PARG: variants seen among roughly 807,000 people sequenced by gnomAD.
PARG encodes the protein poly(ADP-ribose) glycohydrolase, also known as mitochondrial poly(ADP-ribose) glycohydrolase.
Under a neutral mutation model 113.0 loss-of-function variants are expected in PARG, and 35 were observed. That is an observed-to-expected ratio of 0.31 (90% CI 0.24 to 0.41). The LOEUF is 0.41. Among genes scored for constraint, PARG ranks in the 10% least tolerant of loss-of-function variants. PARG has a pLI of 1.00. For synonymous variants in PARG, 330 were observed against 409.9 expected (o/e 0.81, Z 2.36); for missense variants, 797 against 1,169.4 (o/e 0.68, Z 4.64).
intron 6 of PARG, among the ~76,000 whole-genome samples, chr10:49,920,235 G>C (rs1554848766): frequency 6.6e-6 from 1 of 151,652 alleles, no homozygotes; most frequent in Non-Finnish European, 1.5e-5. Context: ...GAGCCCAGGA[G>C]TTGGAGACCA....
intron 7 of PARG, chr10:49,909,869 C>T: frequency 6.0e-6 from 1 of 167,216 alleles, no homozygotes; most frequent in Non-Finnish European, 1.3e-5. Flanking sequence ...ATGGTTCATG[C>T]CAAATTCTGA....
In PARG at chr10:49,833,882, A is replaced by G. The variant is rs185581844; in HGVS notation, c.2542-974T>C. Among the ~76,000 whole-genome samples, 181 of 152,338 alleles carry G rather than the reference A, an allele frequency of 1.2e-3. 1 individual carries two copies. Among genetic ancestry groups the G allele is most frequent in the African/African-American group, 4.1e-3 (170 of 41,586 alleles). On this transcript the variant is annotated intron_variant, in intron 15 of 17. Transcript: ENST00000616448. ...ATGATCTTGACAAATGTTCCCAGAG[A>G]AAAACCAAGGATAAAGAAAGATGCT...
chr10:49,885,952 A>G (rs2132655810), intron 7 of PARG, among the ~76,000 whole-genome samples: 1 of 152,326 alleles, frequency 6.6e-6, no homozygotes, highest in African/African-American at 2.4e-5. Flanking sequence ...ACACCTTTTA[A>G]TCTAATGTCT....
chr10:49,856,469 C>T (rs1486915048), intron 13 of PARG, among the ~76,000 whole-genome samples: 29 of 152,306 alleles, frequency 1.9e-4, no homozygotes, highest in Non-Finnish European at 3.4e-4. Context: ...CATGAACTAT[C>T]GCGCCTGGCC....
chr10:49,830,310 C>T lies in PARG; in HGVS notation c.2647+2493G>A, dbSNP rs555931632. On this transcript the variant is annotated intron_variant, in intron 16 of 17. Coordinates refer to ENST00000616448, the MANE Select transcript of PARG (RefSeq NM_003631.5). ...AGAAAGACAGGAAAAAAGTATCTGT[C>T]GTAAGATCAATAAGCCCAGAGTGAA... is the stretch of plus-strand genomic sequence containing the variant. Among the ~76,000 whole-genome samples, 31 of 152,214 alleles carry T rather than the reference C, an allele frequency of 2.0e-4. No individual in the cohort carries two copies. The South Asian group carries it at 4.8e-3, about 24-fold the overall frequency.
At chr10:49,892,747 T>C (rs1847870284) in intron 7 of PARG, among the ~76,000 whole-genome samples, 1 of 152,134 alleles carries the variant, frequency 6.6e-6, no homozygotes, top group Non-Finnish European at 1.5e-5. Flanking sequence ...TTGAGGTAAG[T>C]TGCAAGCATT....
rs1160721914 is a variant in PARG, at chr10:49,941,721, T to C, written c.5A>G (p.Asn2Ser). ...GCAGGGTTCACAGCCGGGGCCCGCA[T>C]TCATGCTGGGACCAGCAGCGCACTG... is the stretch of plus-strand genomic sequence containing the variant. MNAGPGCEPCTK... is the reference protein window; with the variant it reads MSAGPGCEPCTK... The change falls in exon 1 of 18, where the codon AAT (asparagine) becomes AGT (serine). Residue 2 changes from asparagine to serine, a missense_variant. Physicochemically the swap from Asn to Ser is conservative, Grantham distance 46. Around this residue, in one of 5 missense-constraint regions of PARG, gnomAD observed 27 missense variants for 54.3 expected, o/e 0.50. Transcript: ENST00000616448. 3 of 1,573,674 alleles carry C rather than the reference T, an allele frequency of 1.9e-6. No individual in the cohort carries two copies. Among genetic ancestry groups the C allele is most frequent in the African/African-American group, 2.7e-5 (2 of 73,824 alleles).
At chr10:49,857,203 T>C in intron 13 of PARG, 103 bp downstream of exon 13, 2 of 588,628 alleles carry the variant, frequency 3.4e-6, no homozygotes, top group South Asian at 4.4e-5. Flanking sequence ...TTGGGACTGA[T>C]GCCCATGGAA....
intron 15 of PARG, among the ~76,000 whole-genome samples, chr10:49,835,979 G>A (rs1375259438): frequency 1.3e-5 from 2 of 152,028 alleles, no homozygotes; most frequent in African/African-American, 4.8e-5. Context: ...TAACACACTC[G>A]ACTGGTTTGT....
chr10:49,933,129 T>C lies in PARG; in HGVS notation c.1271+48A>G, dbSNP rs1554910234. On this transcript the variant is annotated intron_variant, in intron 3 of 17. Coordinates refer to ENST00000616448, the MANE Select transcript of PARG (RefSeq NM_003631.5). Reference sequence around the variant, plus strand: ...GCTTCGTTAAACTCCCTTACAAAACTATAAAGCATATTATGCTATTGGAGA... The same window carrying C: ...GCTTCGTTAAACTCCCTTACAAAACCATAAAGCATATTATGCTATTGGAGA... 1.6e-3 allele frequency: 2,211 copies of C among 1,363,048 alleles called. 46 individuals carry two copies. The South Asian group carries it at 0.025, about 16-fold the overall frequency. The allele number at this position is 1,363,048 out of a possible 1,614,324, so 84.4% of individuals were successfully genotyped here.
chr10:49,891,555 T>C (rs1170243716), intron 7 of PARG, among the ~76,000 whole-genome samples: 9 of 129,670 alleles, frequency 6.9e-5, no homozygotes, highest in Non-Finnish European at 1.4e-4. Context: ...AAAACCTAAA[T>C]AGCAAAGAGG....
chr10:49,910,860 C>T (rs1477608884), intron 7 of PARG, among the ~76,000 whole-genome samples: 1 of 152,110 alleles, frequency 6.6e-6, no homozygotes, highest in Non-Finnish European at 1.5e-5. Context: ...TAGAAGCCAA[C>T]ATTGCAGAAA....
intron 4 of PARG, among the ~76,000 whole-genome samples, chr10:49,928,978 A>G (rs1589007148): frequency 6.6e-6 from 1 of 152,384 alleles, no homozygotes; most frequent in East Asian, 1.9e-4. Context: ...AGACTGACAG[A>G]CGGGTTTTCT....
At chr10:49,898,885 G>T (rs1238411658) in intron 7 of PARG, among the ~76,000 whole-genome samples, 1 of 151,868 alleles carries the variant, frequency 6.6e-6, no homozygotes, top group Non-Finnish European at 1.5e-5. Flanking sequence ...TAATTTATTT[G>T]AACTTTTTTT....
In PARG at chr10:49,819,384, A is replaced by C. The variant is rs1021615910; in HGVS notation, c.2887T>G (p.Cys963Gly). The change falls in exon 18 of 18, where the codon TGT (cysteine) becomes GGT (glycine). Residue 963 changes from cysteine to glycine, a missense_variant. By Grantham distance (159) the Cys-to-Gly change is radical. This residue lies in a region of PARG where 194 missense variants were observed against 247.1 expected (regional missense o/e 0.79). Transcript: ENST00000616448. ...CCTGAATGGTCAGCGGTCTCTGCACAGGACTCGACAGCATGGTATATGAAT... is the reference window on the plus strand; with the variant it reads ...CCTGAATGGTCAGCGGTCTCTGCACCGGACTCGACAGCATGGTATATGAAT... ...YPFIYHAVES[C>G]AETADHSGQR... is the part of the protein sequence containing the mutation. 3 of 1,551,496 alleles carry C rather than the reference A, an allele frequency of 1.9e-6. No homozygotes were observed. In the African/African-American group the frequency reaches 4.1e-5, roughly 21 times the overall value.
intron 8 of PARG, among the ~76,000 whole-genome samples, chr10:49,883,859 C>T (rs1847332440): frequency 7.0e-6 from 1 of 143,768 alleles, no homozygotes. Flanking sequence ...TGGGTACTGG[C>T]TAGCTTCCAA....
intron 6 of PARG, among the ~76,000 whole-genome samples, chr10:49,917,504 A>G (rs1360432564): frequency 5.5e-4 from 82 of 148,522 alleles, no homozygotes; most frequent in African/African-American, 1.8e-3. Flanking sequence ...AAAAAAAAAA[A>G]AAAGAAAAAA....
intron 1 of PARG, among the ~76,000 whole-genome samples, chr10:49,936,092 A>G (rs1838725852): frequency 6.6e-6 from 1 of 151,970 alleles, no homozygotes; most frequent in Non-Finnish European, 1.5e-5. Context: ...ATCAGAATCT[A>G]TATGTGAGTA....
chr10:49,923,234 A>C (rs1554849809), intron 4 of PARG, among the ~76,000 whole-genome samples: 2 of 152,036 alleles, frequency 1.3e-5, no homozygotes, highest in Non-Finnish European at 2.9e-5. Flanking sequence ...CTCTATTGTC[A>C]CCTTCATAGC....
Sources: allele counts gnomAD v4.1 joint callset (sites outside exome capture counted in the v4.1 genomes callset), GRCh38; gene constraint gnomAD v4.1.1; regional missense constraint gnomAD v4.1.1; transcripts MANE v1.5; gene names NCBI Gene and HGNC (gene_info 2026-07-23, HGNC 2026-07-21).